Variants in DCHS2 observed in about 807,000 individuals in gnomAD.
DCHS2 encodes the protein protocadherin-23.
In DCHS2, 142 loss-of-function variants were observed where a neutral mutation model predicts 182.4. The ratio of observed to expected loss-of-function variants is 0.78; its 90% CI spans 0.68 to 0.89. The LOEUF is 0.89. Among genes scored for constraint, DCHS2 ranks in the 40% least tolerant of loss-of-function variants. DCHS2 has a pLI of 0.00. For missense variants in DCHS2, 4,319 were observed against 4,198.6 expected (o/e 1.03, Z -0.79); for synonymous variants, 1,740 against 1,663.3 (o/e 1.05, Z -1.12).
intron 1 of DCHS2, among the ~76,000 whole-genome samples, chr4:154,443,717 C>A (rs1162148627): frequency 6.6e-6 from 1 of 152,226 alleles, no homozygotes; most frequent in African/African-American, 2.4e-5. Flanking sequence ...CAGGATCATT[C>A]TTTCAGTATA....
intron 3 of DCHS2, among the ~76,000 whole-genome samples, chr4:154,353,800 A>G (rs575153867): frequency 6.6e-6 from 1 of 152,324 alleles, no homozygotes; most frequent in East Asian, 1.9e-4. Flanking sequence ...ATTTGTAAAA[A>G]CAGAATTTCC....
At chr4:154,447,769 T>C (rs531339831) in intron 1 of DCHS2, among the ~76,000 whole-genome samples, 1 of 152,288 alleles carries the variant, frequency 6.6e-6, no homozygotes, top group African/African-American at 2.4e-5. Context: ...GAAGGCACAC[T>C]ACCTTTTTAG....
chr4:154,234,552 T>C lies in DCHS2; in HGVS notation c.10100A>G (p.Asp3367Gly). The stretch of plus-strand genomic sequence containing the variant: ...CCAGTGGTTTCATATTTGAACTTCA[T>C]CTTCTGCTTTAAGTTCATGGCATGT... ...SGTCHELKAE[D>G]EVQI The change falls in exon 20 of 20, where the codon GAT becomes GGT. Residue 3367 changes from aspartate to glycine, a missense_variant. Asp to Gly is a moderately conservative substitution (Grantham distance 94). Coordinates refer to ENST00000357232, the MANE Select transcript of DCHS2 (RefSeq NM_001358235.2). 1 of 1,609,002 alleles carries C rather than the reference T, an allele frequency of 6.2e-7. No individual in the cohort carries two copies.
chr4:154,261,021 C>T (rs977953803), intron 14 of DCHS2, among the ~76,000 whole-genome samples: 7 of 152,054 alleles, frequency 4.6e-5, no homozygotes, highest in East Asian at 1.9e-4. Context: ...ATAAAATTTC[C>T]GACTCAATGT....
intron 4 of DCHS2, chr4:154,333,976 AGTGGACACACG>A (rs1299274284): frequency 1.3e-5 from 2 of 154,772 alleles, no homozygotes; most frequent in Admixed American, 6.4e-5. Flanking sequence ...CCTGCGGAAA[AGTGGACACACG>A]GTTTTAAGAA....
chr4:154,429,589 TG>T (rs984732946), intron 1 of DCHS2, among the ~76,000 whole-genome samples: 8 of 152,188 alleles, frequency 5.3e-5, no homozygotes, highest in Non-Finnish European at 1.2e-4. Context: ...TAGACCATCT[TG>T]GCCATCTGAC....
intron 1 of DCHS2, among the ~76,000 whole-genome samples, chr4:154,414,487 CT>C (rs375818839): frequency 0.035 from 2,574 of 73,702 alleles, 29 homozygotes; most frequent in African/African-American, 0.064. Flanking sequence ...ATACAGCTTT[CT>C]TTTTTTTTTT....
At chr4:154,359,361 A>G (rs1730015465) in intron 3 of DCHS2, among the ~76,000 whole-genome samples, 1 of 152,030 alleles carries the variant, frequency 6.6e-6, no homozygotes, top group African/African-American at 2.4e-5. Flanking sequence ...TCTTCTACTA[A>G]CTAAGCAATA....
At chr4:154,272,500 C>T (rs924729981) in intron 13 of DCHS2, among the ~76,000 whole-genome samples, 1 of 152,038 alleles carries the variant, frequency 6.6e-6, no homozygotes, top group African/African-American at 2.4e-5. Flanking sequence ...ATCATGGGGG[C>T]ACTTTCCCCA....
At position 154,490,942 on chromosome 4, in the gene DCHS2, G is replaced by T; in HGVS notation, c.414C>A (p.His138Gln). 1.3e-6 allele frequency: 2 copies of T among 1,550,582 alleles called. No homozygotes were observed. The highest frequency in any genetic ancestry group is 1.7e-6 in the Non-Finnish European group (2 of 1,146,534). ...ARRLDRERRD[H>Q]YSFVAATLLG... ...GCAGCGTGGCGGCGACGAAGCTGTAGTGGTCCCGCCGCTCGCGGTCCAGGC... is the reference window on the plus strand; with the variant it reads ...GCAGCGTGGCGGCGACGAAGCTGTATTGGTCCCGCCGCTCGCGGTCCAGGC... Residue 138 changes from histidine to glutamine, a missense_variant, in exon 1 of 20, where the codon CAC becomes CAA. His to Gln is a conservative substitution (Grantham distance 24, BLOSUM62 0). Transcript: ENST00000357232.
At chr4:154,451,096 G>A (rs1032040201) in intron 1 of DCHS2, among the ~76,000 whole-genome samples, 4 of 152,172 alleles carry the variant, frequency 2.6e-5, no homozygotes, top group Non-Finnish European at 5.9e-5. Context: ...AACAGAATAA[G>A]GTTCTGTAAC....
At chr4:154,314,857 C>T (rs1735796620) in intron 10 of DCHS2, among the ~76,000 whole-genome samples, 1 of 150,844 alleles carries the variant, frequency 6.6e-6, no homozygotes, top group East Asian at 1.9e-4. Flanking sequence ...TTCAGTGTTT[C>T]ACATGTGAAT....
At chr4:154,363,974 T>G (rs1293607916) in intron 3 of DCHS2, among the ~76,000 whole-genome samples, 2 of 152,202 alleles carry the variant, frequency 1.3e-5, no homozygotes, top group Admixed American at 1.3e-4. Context: ...GCACTACCAG[T>G]CCTCATGAAT....
At chr4:154,427,748 A>C (rs1188293653) in intron 1 of DCHS2, among the ~76,000 whole-genome samples, 5 of 152,214 alleles carry the variant, frequency 3.3e-5, no homozygotes, top group Non-Finnish European at 5.9e-5. Context: ...TCTGAGCTAG[A>C]AAGAGTGGGT....
chr4:154,352,233 C>T (rs142424911), intron 3 of DCHS2, among the ~76,000 whole-genome samples: 54 of 152,308 alleles, frequency 3.5e-4, no homozygotes, highest in African/African-American at 1.3e-3. Context: ...CATCACCCCA[C>T]AAGTCACCCC....
chr4:154,235,226 G>A lies in DCHS2; in HGVS notation c.9426C>T (p.Leu3142=), dbSNP rs895550623. ...CATCAGTTTCCCCAGATAGGCAGGAGAGCTGGTCTGAGTCCCTCGGGATAC... is the reference window on the plus strand; with the variant it reads ...CATCAGTTTCCCCAGATAGGCAGGAAAGCTGGTCTGAGTCCCTCGGGATAC... ...DSGIPRDSDQ[L]SCLSGETDVM... is the part of the protein sequence containing the mutation. Residue 3142 remains leucine (L), a synonymous_variant, in exon 20 of 20, where the codon CTC becomes CTT. Transcript: ENST00000357232. 3.1e-6 allele frequency: 5 copies of A among 1,614,086 alleles called. No homozygotes were observed. Among genetic ancestry groups the A allele is most frequent in the African/African-American group, 1.3e-5 (1 of 75,048 alleles).
At position 154,235,680 on chromosome 4, in the gene DCHS2, G is replaced by A; in HGVS notation, c.8972C>T (p.Ala2991Val). ...SSEGTPLAVF[A>V]SSFSISLVVS... is the part of the protein sequence containing the mutation. Reference sequence around the variant, plus strand: ...CACCAGGCTGATTGAAAAGCTGCTGGCGAACACTGCCAAGGGTGTTCCTTC... The same window carrying A: ...CACCAGGCTGATTGAAAAGCTGCTGACGAACACTGCCAAGGGTGTTCCTTC... The change falls in exon 20 of 20, where the codon GCC becomes GTC. Residue 2991 changes from alanine to valine, a missense_variant. Transcript: ENST00000357232. 1 of 1,613,938 alleles carries A rather than the reference G, an allele frequency of 6.2e-7. No homozygotes were observed. The highest frequency in any genetic ancestry group is 8.5e-7 in the Non-Finnish European group (1 of 1,179,960).
chr4:154,358,833 C>T (rs1220044117), intron 3 of DCHS2, among the ~76,000 whole-genome samples: 2 of 151,556 alleles, frequency 1.3e-5, no homozygotes, highest in South Asian at 2.1e-4. Flanking sequence ...ATAAACTAAG[C>T]TCTCTATTAG....
rs566908638 is a variant in DCHS2 at position 154,304,691 on chromosome 4, T to A, written c.5583A>T (p.Arg1861Ser). The A allele has an allele frequency of 5.0e-6, 8 of 1,611,922 alleles. No individual in the cohort carries two copies. In the East Asian group the frequency reaches 1.8e-4, roughly 36 times the overall value. The change falls in exon 12 of 20, where the codon AGA (arginine) becomes AGT (serine). Residue 1861 changes from arginine (R) to serine (S), a missense_variant. Arg to Ser is a moderately radical substitution (Grantham distance 110). Coordinates refer to ENST00000357232, the MANE Select transcript of DCHS2 (RefSeq NM_001358235.2). ...TACCAATTATGTGATATTCAACAGC[T>A]CTGTTATTGCCAGCATCCATATCAG... ...LASDMDAGNN[R>S]AVEYHIIDGN...
Sources: gnomAD v4.1 joint callset for allele counts (sites outside exome capture counted in the v4.1 genomes callset) on GRCh38, gnomAD v4.1.1 for gene constraint, MANE v1.5 for transcripts, NCBI Gene and HGNC (gene_info 2026-07-23, HGNC 2026-07-21) for gene names.